Variants in TMC5 observed in about 807,000 individuals in gnomAD.
The protein encoded by TMC5 is transmembrane channel-like protein 5.
TMC5 carries 86 observed loss-of-function variants against 110.5 expected under a neutral mutation model. The observed-to-expected ratio is 0.78, with a 90% CI of 0.65 to 0.93. The LOEUF is 0.93. Ranked by LOEUF, TMC5 falls within the 40% of genes least tolerant of loss-of-function variation. The probability of loss-of-function intolerance (pLI) is 0.00; values close to 1 mark genes in which losing one functional copy is unlikely to be tolerated. For synonymous variants in TMC5, 455 were observed against 439.5 expected, an observed-to-expected ratio of 1.04 and a Z score of -0.44; for missense variants, 1,144 against 1,222.8, an observed-to-expected ratio of 0.94 and a Z score of 0.96.
chr16:19,484,959 T>A (rs915330424), intron 15 of TMC5, among the ~76,000 whole-genome samples: 4 of 151,460 alleles, frequency 2.6e-5, no homozygotes, highest in Non-Finnish European at 5.9e-5. Context: ...GATAATATAA[T>A]GACAGAAAAG....
In TMC5 at chr16:19,493,463, C is replaced by T. The variant is rs2856607; in HGVS notation, c.2827-799C>T. On this transcript the variant is annotated intron_variant, in intron 19 of 21. Coordinates refer to ENST00000542583, the MANE Select transcript of TMC5 (RefSeq NM_001261841.2). ...GGTTAATGTCTCTCTCTCTCTCTCT[C>T]TCTTTTTTTTTTTTTGAGACAGAAT... Among the ~76,000 whole-genome samples the T allele has an allele frequency of 3.7e-3, 217 of 58,014 alleles. 2 individuals are homozygous for T. The highest frequency in any genetic ancestry group is 9.6e-3 in the African/African-American group (183 of 19,082). The allele number at this position is 58,014 out of a possible 152,430, so 38.1% of individuals were successfully genotyped here. A position where few individuals can be genotyped will look rare whatever the true frequency, so the allele number is the denominator to read the frequency against.
intron 10 of TMC5, 28 bp downstream of exon 10, chr16:19,469,853 C>T (rs1249767684): frequency 6.2e-7 from 1 of 1,611,916 alleles, no homozygotes; most frequent in East Asian, 2.2e-5. Context: ...TACTCATTTG[C>T]CATCGGCTGG....
chr16:19,460,171 A>G (rs1597189778), intron 5 of TMC5, 64 bp from the exon 6 acceptor site: 1 of 1,298,450 alleles, frequency 7.7e-7, no homozygotes, highest in African/African-American at 1.5e-5. Context: ...CTTCAGCACC[A>G]CATTTCAGTG....
chr16:19,426,972 T>C (rs1967098640), intron 1 of TMC5, among the ~76,000 whole-genome samples: 1 of 152,062 alleles, frequency 6.6e-6, no homozygotes, highest in African/African-American at 2.4e-5. Context: ...GCTGGGGTGG[T>C]CTTCCTGGGA....
rs200596133 is a variant in TMC5 at position 19,472,163 on chromosome 16, A to G, written c.1858A>G (p.Met620Val). 9.0e-5 allele frequency: 146 copies of G among 1,614,168 alleles called. No individual in the cohort carries two copies. In the East Asian group the frequency reaches 2.6e-3, roughly 29 times the overall value. ...GCTGCTGACCCGCTTCTCTGCCTAC[A>G]TGGTAGCCTGGGTTGTCTCTACAGG... ...NQLLTRFSAY[M>V]VAWVVSTGVA... Residue 620 changes from methionine to valine, a missense_variant, in exon 11 of 22, where the codon ATG (methionine) becomes GTG (valine). Coordinates refer to ENST00000542583, the MANE Select transcript of TMC5 (RefSeq NM_001261841.2).
Position 19,444,177 on chromosome 16 carries a change from C to G in TMC5, c.885C>G (p.Gly295=), listed in dbSNP as rs931398864. Residue 295 remains glycine, a synonymous_variant, in exon 4 of 22, where the codon GGC becomes GGG. Coordinates refer to ENST00000542583, the MANE Select transcript of TMC5 (RefSeq NM_001261841.2). ...SLWGENDYPE[G]IEMASMEMAN... ...GGGGAGAGAATGATTACCCTGAAGG[C>G]ATTGAAATGGCATCCATGGAGATGG... is the stretch of plus-strand genomic sequence containing the variant. The G allele has an allele frequency of 6.2e-7, 1 of 1,614,060 alleles. No individual in the cohort carries two copies. Among genetic ancestry groups the G allele is most frequent in the Non-Finnish European group, 8.5e-7 (1 of 1,180,010 alleles).
intron 12 of TMC5, chr16:19,474,934 A>T (rs1968448908): frequency 6.6e-6 from 1 of 152,162 alleles, no homozygotes; most frequent in Admixed American, 6.5e-5. Flanking sequence ...TAATTCCACC[A>T]CCCAAACAAA....
chr16:19,458,534 AC>A (rs1436958543), intron 5 of TMC5, among the ~76,000 whole-genome samples: 2 of 151,876 alleles, frequency 1.3e-5, no homozygotes, highest in Non-Finnish European at 2.9e-5. Flanking sequence ...TTTCTGTTTC[AC>A]CCCCACAGTA....
chr16:19,450,894 G>A (rs982062251), intron 5 of TMC5, among the ~76,000 whole-genome samples: 6 of 152,156 alleles, frequency 3.9e-5, no homozygotes, highest in Non-Finnish European at 7.4e-5. Context: ...GATAGAAGGC[G>A]CTGCAATCAG....
At chr16:19,472,365 C>G in intron 11 of TMC5, 122 bp downstream of exon 11, 1 of 1,125,004 alleles carries the variant, frequency 8.9e-7, no homozygotes. Context: ...TCAGCACTAG[C>G]AGAGAACTTG....
intron 1 of TMC5, among the ~76,000 whole-genome samples, chr16:19,423,061 C>T (rs535661647): frequency 6.6e-6 from 1 of 152,332 alleles, no homozygotes; most frequent in Non-Finnish European, 1.5e-5. Context: ...CAGTTAGAGG[C>T]TCCAGTGAAC....
At chr16:19,476,736 A>T (rs1013380799) in intron 12 of TMC5, among the ~76,000 whole-genome samples, 1 of 152,148 alleles carries the variant, frequency 6.6e-6, no homozygotes, top group Non-Finnish European at 1.5e-5. Flanking sequence ...TGCAGTAACA[A>T]CCCCCCAGAT....
chr16:19,475,803 T>TC (rs201925578), intron 12 of TMC5, among the ~76,000 whole-genome samples: 67 of 120,470 alleles, frequency 5.6e-4, no homozygotes, highest in African/African-American at 2.7e-3. Context: ...ATTTTCTTTC[T>TC]TTTTTTTTTT....
chr16:19,442,126 T>C (rs1254046388), intron 3 of TMC5, among the ~76,000 whole-genome samples: 4 of 151,990 alleles, frequency 2.6e-5, no homozygotes, highest in African/African-American at 9.7e-5. Context: ...AAGTAGCAAG[T>C]CCAGTTTTTC....
intron 5 of TMC5, chr16:19,457,137 C>A (rs11644237): frequency 0.026 from 21,125 of 819,608 alleles, 355 homozygotes; most frequent in Non-Finnish European, 0.032. Context: ...CACCTATAAT[C>A]CTACGGCTTT....
intron 12 of TMC5, among the ~76,000 whole-genome samples, chr16:19,475,824 A>C (rs911118330): frequency 1.1e-5 from 1 of 88,156 alleles, no homozygotes; most frequent in Non-Finnish European, 2.2e-5. Flanking sequence ...TTTTTTTTTG[A>C]GATGGAGTCT....
At chr16:19,472,422 A>G (rs1315509080) in intron 11 of TMC5, among the ~76,000 whole-genome samples, 179 bp downstream of exon 11, 1 of 152,002 alleles carries the variant, frequency 6.6e-6, no homozygotes, top group East Asian at 1.9e-4. Context: ...TGTAATCCCA[A>G]CACTCTGGGA....
rs760532022 is a variant in TMC5 at position 19,444,136 on chromosome 16, C to A, written c.844C>A (p.Pro282Thr). 3.1e-6 allele frequency: 5 copies of A among 1,613,888 alleles called. No individual in the cohort carries two copies. Among genetic ancestry groups the A allele is most frequent in the Middle Eastern group, 1.6e-4 (1 of 6,066 alleles). Residue 282 changes from proline (P) to threonine (T), a missense_variant, in exon 4 of 22, where the codon CCC becomes ACC. Physicochemically the swap from Pro to Thr is conservative, Grantham distance 38. Transcript: ENST00000542583. ...CTCATTTCGTCACAGGAGTGATGAC[C>A]CCGTGGGCAGTCTTTGGGGAGAGAA... The part of the protein sequence containing the change: ...QPSFRHRSDD[P>T]VGSLWGENDY...
intron 10 of TMC5, among the ~76,000 whole-genome samples, chr16:19,471,078 G>A (rs995859421): frequency 6.7e-6 from 1 of 149,000 alleles, no homozygotes; most frequent in Admixed American, 6.8e-5. Context: ...AAATAAAGGG[G>A]CTTTAAATTT....
Sources: gnomAD v4.1 joint callset for allele counts (sites outside exome capture counted in the v4.1 genomes callset) on GRCh38, gnomAD v4.1.1 for gene constraint, MANE v1.5 for transcripts, NCBI Gene and HGNC (gene_info 2026-07-23, HGNC 2026-07-21) for gene names.